WDR11: variants seen among roughly 807,000 people sequenced by gnomAD.
WDR11 encodes the protein WD repeat domain 11, also known as WD repeat-containing protein 11.
Under a neutral mutation model 151.2 loss-of-function variants are expected in WDR11, and 83 were observed. The ratio of observed to expected loss-of-function variants is 0.55; its 90% confidence interval spans 0.46 to 0.66. The LOEUF is 0.66. Among genes scored for constraint, WDR11 ranks in the 30% least tolerant of loss-of-function variants. The probability of loss-of-function intolerance (pLI) is 0.00; values close to 1 mark genes in which losing one functional copy is unlikely to be tolerated. For synonymous variants in WDR11, 484 were observed against 533.1 expected (o/e 0.91, Z 1.27); for missense variants, 1,301 against 1,480.9 (o/e 0.88, Z 1.99).
chr10:120,857,301 A>T (rs766998787), intron 2 of WDR11, among the ~76,000 whole-genome samples: 85 of 152,208 alleles, frequency 5.6e-4, no homozygotes, highest in Non-Finnish European at 9.6e-4. Context: ...GGGAACACAC[A>T]TGTATGTTCG....
At chr10:120,885,986 T>C (rs1322892348) in intron 15 of WDR11, 48 bp downstream of exon 15, 1 of 1,609,740 alleles carries the variant, frequency 6.2e-7, no homozygotes. Context: ...ATTAGCATCA[T>C]GTCTGGGAAG....
At chr10:120,852,326 A>G in intron 1 of WDR11, 198 bp from the exon 2 acceptor site, 1 of 562,356 alleles carries the variant, frequency 1.8e-6, no homozygotes, top group Non-Finnish European at 3.2e-6. Flanking sequence ...CCGAATGAAA[A>G]GTGAATTTCA....
intron 5 of WDR11, among the ~76,000 whole-genome samples, chr10:120,863,276 C>T (rs914383538): frequency 3.3e-5 from 5 of 152,140 alleles, no homozygotes; most frequent in Non-Finnish European, 7.4e-5. Context: ...ATACATTTTC[C>T]TGACTTAGGT....
intron 11 of WDR11, among the ~76,000 whole-genome samples, chr10:120,875,978 C>CTTTTTTTTTTTTTTTT (rs67775105): frequency 1.6e-5 from 2 of 122,812 alleles, no homozygotes; most frequent in African/African-American, 6.2e-5. Flanking sequence ...CCTTTTTTTT[C>CTTTTTTTTTTTTTTTT]TTTTTTTTTT....
At chr10:120,867,786 A>G (rs1443981512) in intron 9 of WDR11, among the ~76,000 whole-genome samples, 1 of 152,200 alleles carries the variant, frequency 6.6e-6, no homozygotes, top group Admixed American at 6.5e-5. Flanking sequence ...TGTAGTAAAT[A>G]TTTACTGAAG....
intron 24 of WDR11, 44 bp from the exon 25 acceptor site, chr10:120,904,602 G>A (rs1412722141): frequency 8.7e-6 from 14 of 1,611,012 alleles, no homozygotes; most frequent in Non-Finnish European, 1.1e-5. Flanking sequence ...AGTTATGTTG[G>A]AGGAAAATGT....
rs59740058 is a variant in WDR11, at chr10:120,882,544, G to GTTTTGTT, written c.1740-1232_1740-1231insGTTTTTT. ...AGTTTTTAAATACAAATTCAGTTTT[G>GTTTTGTT]TTTTTTTTTTTCATAAATATAGGAC... is the stretch of plus-strand genomic sequence containing the variant. On this transcript the variant is annotated intron_variant, in intron 13 of 28. Transcript: ENST00000263461. 6.9e-3 allele frequency among the ~76,000 whole-genome samples: 985 copies of GTTTTGTT among 142,416 alleles called. 40 individuals carry two copies. The East Asian group carries it at 0.12, about 17-fold the overall frequency. 93.4% of individuals were successfully genotyped at this position (142,416 alleles called of 152,430 possible). A position where few individuals can be genotyped will look rare whatever the true frequency, so the allele number is the denominator to read the frequency against.
In WDR11 at chr10:120,886,763, A is replaced by G; in HGVS notation, c.2048A>G (p.Asp683Gly). 1.9e-6 allele frequency: 3 copies of G among 1,614,072 alleles called. No individual in the cohort carries two copies. Among genetic ancestry groups the G allele is most frequent in the Non-Finnish European group, 2.5e-6 (3 of 1,179,974 alleles). ...GCCCGGGAACATTTTGTATTTACCG[A>G]TATTGATGGCCAAGTGTATCATCTC... ...ISAREHFVFT[D>G]IDGQVYHLTV... The change falls in exon 16 of 29, where the codon GAT becomes GGT. Residue 683 changes from aspartate (D) to glycine (G), a missense_variant. Physicochemically the swap from Asp to Gly is moderately conservative, Grantham distance 94. This residue lies in a region of WDR11 where 589 missense variants were observed against 670.6 expected (regional missense o/e 0.88). Transcript: ENST00000263461.
At chr10:120,886,060 GT>G in intron 15 of WDR11, 122 bp downstream of exon 15, 1 of 1,287,560 alleles carries the variant, frequency 7.8e-7, no homozygotes, top group East Asian at 2.5e-5. Flanking sequence ...AACATACTTA[GT>G]TTCATCTTTC....
chr10:120,886,277 A>T (rs925332746), intron 15 of WDR11, among the ~76,000 whole-genome samples: 1 of 152,182 alleles, frequency 6.6e-6, no homozygotes, highest in Non-Finnish European at 1.5e-5. Flanking sequence ...AGATCATATT[A>T]TCATTTATAC....
At position 120,904,017 on chromosome 10, in the gene WDR11, G is replaced by C. The variant is rs74158348; in HGVS notation, c.2932-30G>C. On this transcript the variant is annotated intron_variant, in intron 23 of 28. Coordinates refer to ENST00000263461, the MANE Select transcript of WDR11 (RefSeq NM_018117.12). ...ATAATTCCAAACTCTTATAATCCAG[G>C]CTTAATTTTTCTTTTTTTTCCAATT... The C allele has an allele frequency of 0.012, 17,499 of 1,426,902 alleles. 1,641 individuals carry two copies. In the African/African-American group the frequency reaches 0.21, roughly 17 times the overall value. 88.4% of individuals were successfully genotyped at this position (1,426,902 alleles called of 1,614,324 possible).
At chr10:120,866,068 CCTTGA>C (rs1846301949) in intron 7 of WDR11, among the ~76,000 whole-genome samples, 1 of 151,500 alleles carries the variant, frequency 6.6e-6, no homozygotes, top group African/African-American at 2.4e-5. Context: ...TATTATACCC[CCTTGA>C]CTTGTTGGCT....
chr10:120,853,248 G>A (rs1239812366), intron 2 of WDR11, among the ~76,000 whole-genome samples: 1 of 151,970 alleles, frequency 6.6e-6, no homozygotes, highest in Non-Finnish European at 1.5e-5. Flanking sequence ...CTGAAGTTTT[G>A]TAAGATTACG....
intron 13 of WDR11, among the ~76,000 whole-genome samples, chr10:120,881,774 G>A (rs1282039172): frequency 6.6e-6 from 1 of 151,850 alleles, no homozygotes; most frequent in Non-Finnish European, 1.5e-5. Context: ...AATTCTTTAG[G>A]ATTTTCTATA....
intron 12 of WDR11, 190 bp from the exon 13 acceptor site, chr10:120,880,636 G>A (rs1466056323): frequency 1.8e-6 from 1 of 550,398 alleles, no homozygotes. Context: ...TCCAGCCTGG[G>A]TAACAAAGTG....
chr10:120,905,405 T>G lies in WDR11; in HGVS notation c.3280T>G (p.Trp1094Gly), dbSNP rs763836182. 1 of 1,614,182 alleles carries G rather than the reference T, an allele frequency of 6.2e-7. No individual in the cohort carries two copies. Among genetic ancestry groups the G allele is most frequent in the South Asian group, 1.1e-5 (1 of 91,084 alleles). The change falls in exon 26 of 29, where the codon TGG becomes GGG. Residue 1094 changes from tryptophan to glycine, a missense_variant. Around this residue, in one of 3 missense-constraint regions of WDR11, gnomAD observed 589 missense variants for 670.6 expected, o/e 0.88. Coordinates refer to ENST00000263461, the MANE Select transcript of WDR11 (RefSeq NM_018117.12). Reference sequence around the variant, plus strand: ...ATACGGCGAGTGGAATCGGGCTGCATGGCTGGCAAAAGTAGGTGGTTCCAA... The same window carrying G: ...ATACGGCGAGTGGAATCGGGCTGCAGGGCTGGCAAAAGTAGGTGGTTCCAA... ...QTYGEWNRAA[W>G]LAKVRLNPEE...
chr10:120,893,424 T>C (rs2133797493), intron 19 of WDR11, among the ~76,000 whole-genome samples: 1 of 152,290 alleles, frequency 6.6e-6, no homozygotes, highest in South Asian at 2.1e-4. Context: ...TTGTTGGACA[T>C]TTAGGTTGGT....
At chr10:120,903,439 G>A (rs542406625) in intron 23 of WDR11, among the ~76,000 whole-genome samples, 1 of 151,830 alleles carries the variant, frequency 6.6e-6, no homozygotes, top group East Asian at 1.9e-4. Flanking sequence ...GAACCCAGGA[G>A]GCGGAGGTTG....
intron 13 of WDR11, among the ~76,000 whole-genome samples, chr10:120,881,833 A>G (rs1239207189): frequency 6.6e-6 from 1 of 151,976 alleles, no homozygotes; most frequent in African/African-American, 2.4e-5. Context: ...TTTTCGATCT[A>G]TAGGCCTTCT....
Sources: gnomAD v4.1 joint callset for allele counts (sites outside exome capture counted in the v4.1 genomes callset) on GRCh38, gnomAD v4.1.1 for gene constraint, gnomAD v4.1.1 regional missense constraint, MANE v1.5 for transcripts, NCBI Gene and HGNC (gene_info 2026-07-23, HGNC 2026-07-21) for gene names.